NTM: variants seen among roughly 807,000 people sequenced by gnomAD.
The protein encoded by NTM is IgLON family member 2.
NTM carries 13 observed loss-of-function variants against 42.1 expected under a neutral mutation model. The observed-to-expected ratio is 0.31, with a 90% CI of 0.20 to 0.49. NTM has a LOEUF of 0.49. NTM is among the 20% of genes least tolerant of loss of function. NTM has a pLI of 0.99. For synonymous variants in NTM, 187 were observed against 179.2 expected (o/e 1.04, Z -0.35); for missense variants, 373 against 452.8 (o/e 0.82, Z 1.60).
At chr11:131,521,557 C>T (rs187149229) in intron 1 of NTM, among the ~76,000 whole-genome samples, 326 of 151,338 alleles carry the variant, frequency 2.2e-3, no homozygotes, top group Non-Finnish European at 3.6e-3. Context: ...TGCAAGGGCC[C>T]GAGGTGCCAG....
chr11:131,876,581 G>T (rs925493682), intron 1 of NTM, among the ~76,000 whole-genome samples: 1 of 152,186 alleles, frequency 6.6e-6, no homozygotes, highest in African/African-American at 2.4e-5. Context: ...GCCAAAAGCA[G>T]GTCAAATTCT....
chr11:132,122,202 G>C (rs1338376878), intron 2 of NTM, among the ~76,000 whole-genome samples: 4 of 152,172 alleles, frequency 2.6e-5, no homozygotes, highest in African/African-American at 9.7e-5. Flanking sequence ...ATGTAGGGCT[G>C]GGGCGCTGGG....
intron 1 of NTM, among the ~76,000 whole-genome samples, chr11:131,689,602 A>T (rs1385500874): frequency 6.6e-6 from 1 of 152,156 alleles, no homozygotes; most frequent in Non-Finnish European, 1.5e-5. Context: ...TGTTCTGAGG[A>T]CAGGTGGAGG....
At chr11:131,892,842 G>A (rs1402215650) in intron 1 of NTM, among the ~76,000 whole-genome samples, 1 of 152,240 alleles carries the variant, frequency 6.6e-6, no homozygotes, top group Non-Finnish European at 1.5e-5. Context: ...ATTGCAGAAG[G>A]CCCCACAGCA....
chr11:131,836,071 G>A (rs1197143899), intron 1 of NTM, among the ~76,000 whole-genome samples: 2 of 152,168 alleles, frequency 1.3e-5, no homozygotes, highest in East Asian at 3.8e-4. Context: ...TGCAAGAATA[G>A]GAGGCTTCTG....
At chr11:131,474,894 C>T (rs1952778905) in intron 1 of NTM, among the ~76,000 whole-genome samples, 1 of 152,204 alleles carries the variant, frequency 6.6e-6, no homozygotes, top group Admixed American at 6.5e-5. Flanking sequence ...TTTGACCAGA[C>T]AAAGTCCAAG....
intron 1 of NTM, among the ~76,000 whole-genome samples, chr11:131,458,534 A>T (rs1951103071): frequency 6.6e-6 from 1 of 151,988 alleles, no homozygotes; most frequent in Non-Finnish European, 1.5e-5. Context: ...AACTGGACTG[A>T]TTTTCTTTCT....
rs1555108116 is a variant in NTM, at chr11:131,424,600, C to CTTTTCTTTTTTTTTTTTTTTTTT, written c.82+53716_82+53717insCTTTTTTTTTTTTTTTTTTTTTT. On this transcript the variant is annotated intron_variant, in intron 1 of 8. Transcript: ENST00000683400. The stretch of plus-strand genomic sequence containing the variant: ...AGTTGTTTTTTATTTCTTTTCTTTT[C>CTTTTCTTTTTTTTTTTTTTTTTT]TTTTTTTTTTTTTTTTTTGGCGCAA... Among the ~76,000 whole-genome samples the CTTTTCTTTTTTTTTTTTTTTTTT allele has an allele frequency of 3.6e-4, 20 of 56,036 alleles. 1 individual carries two copies. Among genetic ancestry groups the CTTTTCTTTTTTTTTTTTTTTTTT allele is most frequent in the Non-Finnish European group, 4.1e-4 (13 of 31,694 alleles). 36.8% of individuals were successfully genotyped at this position (56,036 alleles called of 152,430 possible).
intron 1 of NTM, among the ~76,000 whole-genome samples, chr11:131,595,593 G>C (rs998650789): frequency 3.3e-5 from 5 of 152,214 alleles, no homozygotes; most frequent in African/African-American, 1.2e-4. Context: ...GAGAGCTGCT[G>C]ACTGTGGAGA....
At chr11:132,256,851 G>C (rs554708321) in intron 4 of NTM, among the ~76,000 whole-genome samples, 1 of 152,302 alleles carries the variant, frequency 6.6e-6, no homozygotes, top group South Asian at 2.1e-4. Context: ...CCGTGTTATC[G>C]TCGGGACCCC....
chr11:131,417,469 G>T (rs1408024418), intron 1 of NTM, among the ~76,000 whole-genome samples: 1 of 152,148 alleles, frequency 6.6e-6, no homozygotes, highest in Non-Finnish European at 1.5e-5. Context: ...GAGCAAACTT[G>T]AAGGCAGTGT....
At chr11:132,290,668 A>G (rs2139995577) in intron 4 of NTM, among the ~76,000 whole-genome samples, 1 of 152,314 alleles carries the variant, frequency 6.6e-6, no homozygotes, top group Middle Eastern at 3.4e-3. Context: ...TCTCTCTTTA[A>G]TGGACCTTTA....
At chr11:131,566,682 C>G (rs1156357920) in intron 1 of NTM, among the ~76,000 whole-genome samples, 1 of 152,164 alleles carries the variant, frequency 6.6e-6, no homozygotes, top group Non-Finnish European at 1.5e-5. Flanking sequence ...CAACTTTAAA[C>G]CGATTAATAA....
At chr11:131,451,623 G>C (rs193163687) in intron 1 of NTM, among the ~76,000 whole-genome samples, 24 of 152,296 alleles carry the variant, frequency 1.6e-4, no homozygotes, top group African/African-American at 5.5e-4. Flanking sequence ...GATGGGTATG[G>C]CTGGAACAGG....
chr11:131,879,650 G>GA (rs1331182857), intron 1 of NTM, among the ~76,000 whole-genome samples: 4 of 151,856 alleles, frequency 2.6e-5, no homozygotes, highest in Admixed American at 2.0e-4. Flanking sequence ...TTAATTTTTT[G>GA]AAAAAAATAC....
At chr11:131,416,749 A>G (rs1288811159) in intron 1 of NTM, among the ~76,000 whole-genome samples, 2 of 152,238 alleles carry the variant, frequency 1.3e-5, no homozygotes, top group African/African-American at 4.8e-5. Flanking sequence ...AAATCAAAGG[A>G]ACAGATTTAA....
intron 1 of NTM, among the ~76,000 whole-genome samples, chr11:131,785,638 G>C (rs2089021701): frequency 6.6e-6 from 1 of 152,158 alleles, no homozygotes; most frequent in Non-Finnish European, 1.5e-5. Flanking sequence ...AGAGAATTTT[G>C]AACAAGGCAG....
chr11:131,505,594 C>A (rs1045559322), intron 1 of NTM, among the ~76,000 whole-genome samples: 4 of 152,198 alleles, frequency 2.6e-5, no homozygotes, highest in African/African-American at 9.7e-5. Context: ...ACACAGCAGG[C>A]AGCTGGCAAA....
At chr11:131,411,539 C>CAG (rs1491399486) in intron 1 of NTM, among the ~76,000 whole-genome samples, 2 of 82,048 alleles carry the variant, frequency 2.4e-5, no homozygotes, top group East Asian at 9.2e-4. Flanking sequence ...TTAGGGGGGG[C>CAG]CGTGTGTGTG....
Sources: gnomAD v4.1 joint callset for allele counts (sites outside exome capture counted in the v4.1 genomes callset) on GRCh38, gnomAD v4.1.1 for gene constraint, MANE v1.5 for transcripts, NCBI Gene and HGNC (gene_info 2026-07-23, HGNC 2026-07-21) for gene names.